RIT2: variants seen among roughly 807,000 people sequenced by gnomAD.
RIT2 encodes GTP-binding protein Rit2.
A neutral mutation model predicts 23.7 loss-of-function variants in RIT2; 24 were observed. The observed-to-expected ratio is 1.01, with a 90% CI of 0.73 to 1.43. The LOEUF is 1.43. Ranked by LOEUF, RIT2 falls within the 40% of genes most tolerant of loss-of-function variation. The probability of loss-of-function intolerance (pLI) is 0.00; values close to 1 mark genes in which losing one functional copy is unlikely to be tolerated. For missense variants in RIT2, 236 were observed against 266.9 expected (o/e 0.88, Z 0.81); for synonymous variants, 107 against 91.1 (o/e 1.17, Z -0.99).
chr18:42,971,895 C>T (rs900127553), intron 3 of RIT2, among the ~76,000 whole-genome samples: 23 of 151,978 alleles, frequency 1.5e-4, no homozygotes, highest in Admixed American at 6.6e-4. Flanking sequence ...GTCAAGTCTA[C>T]ATCAATAGAA....
intron 4 of RIT2, among the ~76,000 whole-genome samples, chr18:42,859,938 G>T (rs1907283071): frequency 6.6e-6 from 1 of 151,326 alleles, no homozygotes; most frequent in South Asian, 2.1e-4. Context: ...GAATATGTCA[G>T]AAATTTTCAG....
intron 1 of RIT2, among the ~76,000 whole-genome samples, chr18:43,090,573 T>C (rs911722508): frequency 6.6e-6 from 1 of 152,160 alleles, no homozygotes; most frequent in Non-Finnish European, 1.5e-5. Flanking sequence ...TGCACATGTA[T>C]GTTCCTTACC....
intron 4 of RIT2, among the ~76,000 whole-genome samples, chr18:42,885,911 T>C (rs1412613951): frequency 6.6e-6 from 1 of 152,214 alleles, no homozygotes; most frequent in South Asian, 2.1e-4. Flanking sequence ...GCCATAGAAG[T>C]GTACTGATTA....
intron 4 of RIT2, among the ~76,000 whole-genome samples, chr18:42,850,481 A>G (rs1171309333): frequency 6.6e-6 from 1 of 152,132 alleles, no homozygotes; most frequent in Non-Finnish European, 1.5e-5. Context: ...TTTACGCATG[A>G]ATTCCTTTTA....
chr18:42,935,780 G>C (rs1186257480), intron 3 of RIT2, among the ~76,000 whole-genome samples: 2 of 152,108 alleles, frequency 1.3e-5, no homozygotes, highest in African/African-American at 4.8e-5. Context: ...ACCCTCCACA[G>C]GGAGGGAGCG....
chr18:43,089,826 T>G (rs1913378584), intron 1 of RIT2, among the ~76,000 whole-genome samples: 1 of 151,800 alleles, frequency 6.6e-6, no homozygotes, highest in South Asian at 2.1e-4. Context: ...GATTCTGTAC[T>G]CCCTTCAGCC....
intron 4 of RIT2, among the ~76,000 whole-genome samples, chr18:42,903,901 T>C (rs1042471990): frequency 1.3e-5 from 2 of 152,030 alleles, no homozygotes; most frequent in Admixed American, 6.6e-5. Flanking sequence ...CAAAGAAGAA[T>C]TTTTCCTGAA....
intron 4 of RIT2, among the ~76,000 whole-genome samples, chr18:42,780,365 C>T (rs1185792476): frequency 1.3e-5 from 2 of 151,888 alleles, no homozygotes; most frequent in African/African-American, 4.8e-5. Context: ...CAAGGTAAGG[C>T]AGGAAAGGGT....
chr18:42,951,786 T>C (rs1459314402), intron 3 of RIT2, among the ~76,000 whole-genome samples: 1 of 152,026 alleles, frequency 6.6e-6, no homozygotes, highest in Admixed American at 6.6e-5. Flanking sequence ...ATAATGCAAA[T>C]AGGAAATGTG....
At chr18:42,828,003 C>CA (rs200737336) in intron 4 of RIT2, among the ~76,000 whole-genome samples, 2,791 of 51,072 alleles carry the variant, frequency 0.055, 115 homozygotes, top group Non-Finnish European at 0.075. Context: ...GACTCCGTCT[C>CA]AAAAAAAAAA....
intron 3 of RIT2, among the ~76,000 whole-genome samples, chr18:42,939,133 A>G (rs1197418856): frequency 1.3e-5 from 2 of 152,204 alleles, no homozygotes; most frequent in African/African-American, 2.4e-5. Context: ...TTGAGAACGT[A>G]AGAAAGCAGA....
chr18:42,965,157 A>G (rs16977161), intron 3 of RIT2, among the ~76,000 whole-genome samples: 17,311 of 152,268 alleles, frequency 0.11, 1,308 homozygotes, highest in East Asian at 0.4. Flanking sequence ...TCCATGTCCA[A>G]TACTGAATAG....
At chr18:43,082,815 C>T (rs918289063) in intron 1 of RIT2, among the ~76,000 whole-genome samples, 2 of 152,072 alleles carry the variant, frequency 1.3e-5, no homozygotes, top group African/African-American at 2.4e-5. Context: ...CCTTTGAAAA[C>T]AGGCACAAGA....
At chr18:42,758,161 T>C (rs1406553632) in intron 4 of RIT2, among the ~76,000 whole-genome samples, 3 of 152,222 alleles carry the variant, frequency 2.0e-5, no homozygotes, top group Non-Finnish European at 2.9e-5. Flanking sequence ...TCTGCCCTTT[T>C]TATAAGGTTA....
chr18:42,853,664 C>G (rs1168764266), intron 4 of RIT2, among the ~76,000 whole-genome samples: 1 of 152,146 alleles, frequency 6.6e-6, no homozygotes, highest in Admixed American at 6.6e-5. Context: ...CAGAATATCT[C>G]AGAATCTGAG....
At chr18:42,746,281 T>G (rs1247907706) in intron 4 of RIT2, among the ~76,000 whole-genome samples, 1 of 152,056 alleles carries the variant, frequency 6.6e-6, no homozygotes, top group East Asian at 1.9e-4. Flanking sequence ...ACACAGAATT[T>G]TAAAAGAATA....
Position 42,963,576 on chromosome 18 carries a change from T to A in RIT2, c.234+10498A>T, listed in dbSNP as rs562883229. Among the ~76,000 whole-genome samples, 3 of 152,292 alleles carry A rather than the reference T, an allele frequency of 2.0e-5. No homozygotes were observed. The East Asian group carries it at 5.8e-4, about 29-fold the overall frequency. On this transcript the variant is annotated intron_variant, in intron 3 of 4. Transcript: ENST00000326695. ...TTTTTATAATACCTTTCTTTGGCTT[T>A]GTCATCAAAATGTTGTGAAAGGAAA...
At chr18:43,049,255 C>T (rs114233613) in intron 1 of RIT2, among the ~76,000 whole-genome samples, 444 of 152,122 alleles carry the variant, frequency 2.9e-3, no homozygotes, top group African/African-American at 0.01. Context: ...GGAAGTTGTC[C>T]AGGGTTTGAT....
chr18:42,993,017 A>C (rs1451635959), intron 2 of RIT2, among the ~76,000 whole-genome samples: 9 of 152,106 alleles, frequency 5.9e-5, no homozygotes, highest in Non-Finnish European at 1.3e-4. Context: ...ACAATAATAG[A>C]AAAAAGTTGC....
Sources: allele counts gnomAD v4.1 joint callset (sites outside exome capture counted in the v4.1 genomes callset), GRCh38; gene constraint gnomAD v4.1.1; transcripts MANE v1.5; gene names NCBI Gene and HGNC (gene_info 2026-07-23, HGNC 2026-07-21).